The following MANBA variants were observed in gnomAD, a reference collection of about 807,000 sequenced individuals.
MANBA encodes beta-mannosidase.
In MANBA, 83 loss-of-function variants were observed where a neutral mutation model predicts 111.1. The observed-to-expected ratio is 0.75, with a 90% CI of 0.63 to 0.90. MANBA has a LOEUF of 0.90. Among genes scored for constraint, MANBA ranks in the 40% least tolerant of loss-of-function variants. The pLI, the probability that MANBA is intolerant of heterozygous loss-of-function variation, is 0.00. For missense variants in MANBA, 1,036 were observed against 1,069.0 expected (o/e 0.97, Z 0.43); for synonymous variants, 370 against 378.7 (o/e 0.98, Z 0.27).
At chr4:102,639,142 T>C (rs1351421593) in intron 14 of MANBA, among the ~76,000 whole-genome samples, 1 of 152,240 alleles carries the variant, frequency 6.6e-6, no homozygotes, top group Non-Finnish European at 1.5e-5. Flanking sequence ...TTGAACTGTT[T>C]CAACTGGTCA....
rs70937563 is a variant in MANBA at position 102,688,386 on chromosome 4, TACACAC to T, written c.960+1182_960+1187del. Reference sequence around the variant, plus strand: ...TCTTTCTCTCTCTCCCCTCCCCCCTTACACACACACACACACACACACACACACACA... The same window carrying T: ...TCTTTCTCTCTCTCCCCTCCCCCCTTACACACACACACACACACACACACA... On this transcript the variant is annotated intron_variant, in intron 7 of 16. Transcript: ENST00000647097. Among the ~76,000 whole-genome samples, 171 of 140,564 alleles carry T rather than the reference TACACAC, an allele frequency of 1.2e-3. No individual in the cohort carries two copies. The Middle Eastern group carries it at 0.014, about 12-fold the overall frequency. 92.2% of individuals were successfully genotyped at this position (140,564 alleles called of 152,430 possible). A position where few individuals can be genotyped will look rare whatever the true frequency, so the allele number is the denominator to read the frequency against.
chr4:102,654,953 C>T (rs926128486), intron 12 of MANBA, among the ~76,000 whole-genome samples: 11 of 152,088 alleles, frequency 7.2e-5, no homozygotes, highest in African/African-American at 2.4e-4. Context: ...AAAGAATATC[C>T]TCCAAAATAT....
intron 5 of MANBA, 111 bp from the exon 6 acceptor site, chr4:102,690,882 A>G (rs1732448845): frequency 1.2e-5 from 4 of 345,614 alleles, no homozygotes. Context: ...CTTCAAACCC[A>G]GTATGTGCTC....
chr4:102,662,864 T>G (rs1731033280), intron 11 of MANBA: 1 of 153,234 alleles, frequency 6.5e-6, no homozygotes, highest in South Asian at 2.0e-4. Flanking sequence ...GCCAAGATAA[T>G]TAATGTGTTG....
chr4:102,635,960 A>G lies in MANBA; in HGVS notation c.2062T>C (p.Phe688Leu). ...AAGCCTACTGGCAACAGTGGAGCAA[A>G]GAAATTCTGAGCAAAGTAATGAAGC... ...KMLHYFAQNF[F>L]APLLPVGFEN... Residue 688 changes from phenylalanine (F) to leucine (L), a missense_variant, in exon 15 of 17, where the codon TTT becomes CTT. Physicochemically the swap from Phe to Leu is conservative, Grantham distance 22 (BLOSUM62 0). Transcript: ENST00000647097. The G allele has an allele frequency of 4.3e-6, 7 of 1,613,436 alleles. No individual in the cohort carries two copies. Among genetic ancestry groups the G allele is most frequent in the Non-Finnish European group, 5.9e-6 (7 of 1,179,320 alleles).
intron 2 of MANBA, among the ~76,000 whole-genome samples, chr4:102,725,561 C>T (rs529538676): frequency 8.6e-4 from 131 of 152,182 alleles, no homozygotes; most frequent in African/African-American, 3.0e-3. Context: ...CTTGATTTGC[C>T]AAGTAAAATA....
intron 7 of MANBA, among the ~76,000 whole-genome samples, chr4:102,676,032 A>T (rs1032415740): frequency 1.3e-5 from 2 of 152,192 alleles, no homozygotes; most frequent in Non-Finnish European, 2.9e-5. Context: ...ATATCTGAGG[A>T]TGCTGAAAAA....
At chr4:102,650,307 A>C (rs1271293375) in intron 13 of MANBA, among the ~76,000 whole-genome samples, 1 of 152,226 alleles carries the variant, frequency 6.6e-6, no homozygotes, top group African/African-American at 2.4e-5. Flanking sequence ...ATATTTTCAT[A>C]CACAATTTAT....
intron 1 of MANBA, among the ~76,000 whole-genome samples, chr4:102,746,317 C>T (rs1723584077): frequency 6.6e-6 from 1 of 152,202 alleles, no homozygotes; most frequent in Non-Finnish European, 1.5e-5. Flanking sequence ...TGCAGGTCAG[C>T]CACTCACATG....
Position 102,692,407 on chromosome 4 carries a change from ACG to A in MANBA, c.674-1638_674-1637del, listed in dbSNP as rs1212830454. Among the ~76,000 whole-genome samples the A allele has an allele frequency of 1.4e-4, 21 of 152,310 alleles. 1 individual carries two copies. Among genetic ancestry groups the A allele is most frequent in the African/African-American group, 4.8e-4 (20 of 41,584 alleles). ...GAGGTTTTGAAGTAGAGTTTTATAT[ACG>A]CGCAGTATGACTCTGTCCTCCATTT... is the stretch of plus-strand genomic sequence containing the variant. On this transcript the variant is annotated intron_variant, in intron 5 of 16. Coordinates refer to ENST00000647097, the MANE Select transcript of MANBA (RefSeq NM_005908.4).
chr4:102,697,378 T>G (rs1409926524), intron 5 of MANBA, among the ~76,000 whole-genome samples: 2 of 152,166 alleles, frequency 1.3e-5, no homozygotes, highest in Non-Finnish European at 2.9e-5. Context: ...TATTATACTT[T>G]AAGTTTTAGG....
At chr4:102,641,122 T>C (rs944321619) in intron 13 of MANBA, among the ~76,000 whole-genome samples, 4 of 152,072 alleles carry the variant, frequency 2.6e-5, no homozygotes, top group African/African-American at 9.7e-5. Context: ...GGTGGGGCAA[T>C]TGGGCAGAGC....
chr4:102,635,309 C>T (rs1048682908), intron 15 of MANBA, among the ~76,000 whole-genome samples: 3 of 152,198 alleles, frequency 2.0e-5, no homozygotes, highest in Non-Finnish European at 4.4e-5. Flanking sequence ...ACGGAAGGCA[C>T]AGTACCTGGT....
intron 11 of MANBA, among the ~76,000 whole-genome samples, chr4:102,661,601 G>C (rs913421635): frequency 6.6e-6 from 1 of 152,248 alleles, no homozygotes; most frequent in African/African-American, 2.4e-5. Flanking sequence ...AAGCTTGACA[G>C]ATTTCCCTTC....
At chr4:102,632,640 T>C (rs1243292839) in intron 16 of MANBA, among the ~76,000 whole-genome samples, 1 of 152,210 alleles carries the variant, frequency 6.6e-6, no homozygotes, top group Non-Finnish European at 1.5e-5. Flanking sequence ...TTTCTAAGGA[T>C]ATATCTGGAC....
chr4:102,687,259 A>AT (rs1284196653), intron 7 of MANBA, among the ~76,000 whole-genome samples: 1 of 151,768 alleles, frequency 6.6e-6, no homozygotes, highest in Non-Finnish European at 1.5e-5. Context: ...ACCAATCCTC[A>AT]TTTTTTGTCT....
chr4:102,750,973 G>T (rs1000607079), intron 1 of MANBA, among the ~76,000 whole-genome samples: 4 of 152,110 alleles, frequency 2.6e-5, no homozygotes, highest in Non-Finnish European at 5.9e-5. Flanking sequence ...GGATAGAGAA[G>T]AAACAAAATT....
At chr4:102,695,982 C>CT (rs1051116389) in intron 5 of MANBA, among the ~76,000 whole-genome samples, 2 of 152,032 alleles carry the variant, frequency 1.3e-5, no homozygotes, top group Non-Finnish European at 2.9e-5. Flanking sequence ...AGTCCCAGCA[C>CT]TTTGGTAGGC....
At chr4:102,686,989 T>C (rs979839210) in intron 7 of MANBA, among the ~76,000 whole-genome samples, 10 of 152,152 alleles carry the variant, frequency 6.6e-5, no homozygotes. Flanking sequence ...TGTCTCTCAA[T>C]CACCCCACAC....
Sources: allele counts gnomAD v4.1 joint callset (sites outside exome capture counted in the v4.1 genomes callset), GRCh38; gene constraint gnomAD v4.1.1; transcripts MANE v1.5; gene names NCBI Gene and HGNC (gene_info 2026-07-23, HGNC 2026-07-21).